Variants in PXDNL observed in about 807,000 individuals in gnomAD.
The protein encoded by PXDNL is peroxidasin like, also known as probable oxidoreductase PXDNL.
A neutral mutation model predicts 150.8 loss-of-function variants in PXDNL; 145 were observed. The observed-to-expected ratio is 0.96, with a 90% CI of 0.84 to 1.10. The LOEUF is 1.10. Among genes scored for constraint, PXDNL ranks in the 50% least tolerant of loss-of-function variants. The pLI is 0.00. For missense variants in PXDNL, 2,087 were observed against 1,873.9 expected, an observed-to-expected ratio of 1.11 and a Z score of -2.10; for synonymous variants, 757 against 725.7, an observed-to-expected ratio of 1.04 and a Z score of -0.69.
At chr8:51,658,374 AAAAAAAAAG>A (rs1815199198) in intron 1 of PXDNL, among the ~76,000 whole-genome samples, 2 of 39,804 alleles carry the variant, frequency 5.0e-5, no homozygotes, top group Admixed American at 2.7e-4. Context: ...AAAGAAAAGG[AAAAAAAAAG>A]AAAAAAAAGT....
rs143729999 is a variant in PXDNL, at chr8:51,360,966, T to C, written c.3901+10907A>G. ...CATTCTTTACTCAGTTAAATTTGCATAAGGTTTTTCTTTTAACAGATGGTG... is the reference window on the plus strand; with the variant it reads ...CATTCTTTACTCAGTTAAATTTGCACAAGGTTTTTCTTTTAACAGATGGTG... On this transcript the variant is annotated intron_variant, in intron 19 of 22. Transcript: ENST00000356297. Among the ~76,000 whole-genome samples the C allele has an allele frequency of 3.9e-5, 6 of 152,324 alleles. No individual in the cohort carries two copies. The East Asian group carries it at 9.7e-4, about 25-fold the overall frequency.
chr8:51,344,532 C>T (rs765180218), intron 20 of PXDNL, among the ~76,000 whole-genome samples: 1 of 152,158 alleles, frequency 6.6e-6, no homozygotes, highest in Non-Finnish European at 1.5e-5. Context: ...CTCTGTCTAC[C>T]CGGTCAAAGG....
intron 2 of PXDNL, among the ~76,000 whole-genome samples, chr8:51,630,354 T>C (rs1814464385): frequency 6.6e-6 from 1 of 152,002 alleles, no homozygotes; most frequent in South Asian, 2.1e-4. Context: ...CTAGAAAATA[T>C]GATTCTGGAC....
intron 19 of PXDNL, among the ~76,000 whole-genome samples, chr8:51,351,469 T>C (rs1412251937): frequency 1.3e-5 from 2 of 151,980 alleles, no homozygotes; most frequent in African/African-American, 4.8e-5. Flanking sequence ...AAAAGTAGGG[T>C]GAGGGGCATA....
chr8:51,699,344 G>A (rs1816204521), intron 1 of PXDNL, among the ~76,000 whole-genome samples: 1 of 152,110 alleles, frequency 6.6e-6, no homozygotes, highest in African/African-American at 2.4e-5. Context: ...TCAACCTCAT[G>A]AACCAATCTC....
At chr8:51,452,935 A>AACACACACACACACACAC (rs146990384) in intron 10 of PXDNL, among the ~76,000 whole-genome samples, 11 of 142,658 alleles carry the variant, frequency 7.7e-5, no homozygotes, top group Non-Finnish European at 1.4e-4. Flanking sequence ...CACACACACA[A>AACACACACACACACACAC]ACACACACAC....
At chr8:51,559,723 A>G (rs867959524) in intron 3 of PXDNL, among the ~76,000 whole-genome samples, 8 of 152,050 alleles carry the variant, frequency 5.3e-5, no homozygotes, top group Middle Eastern at 3.4e-3. Context: ...AGATTGAGGA[A>G]ATTAGAACCC....
rs1377743386 is a variant in PXDNL, at chr8:51,608,086, C to A, written c.237-15388G>T. 5.8e-4 allele frequency among the ~76,000 whole-genome samples: 85 copies of A among 147,084 alleles called. 2 individuals carry two copies. The highest frequency in any genetic ancestry group is 1.2e-3 in the African/African-American group (44 of 38,000). On this transcript the variant is annotated intron_variant, in intron 2 of 22. Transcript: ENST00000356297. The stretch of plus-strand genomic sequence containing the variant: ...GCAAGCAAGCAAGCAAGCAAGCAAG[C>A]AAGCAAGCAAGCAAGCAAGCAAGCC...
intron 4 of PXDNL, among the ~76,000 whole-genome samples, chr8:51,554,108 G>A (rs970429563): frequency 2.0e-5 from 3 of 152,118 alleles, no homozygotes; most frequent in African/African-American, 7.2e-5. Flanking sequence ...AAGACTTATC[G>A]TGTGAGGTTT....
Position 51,560,794 on chromosome 8 carries a change from G to A in PXDNL, c.309-3883C>T, listed in dbSNP as rs548898684. On this transcript the variant is annotated intron_variant, in intron 3 of 22. Transcript: ENST00000356297. The stretch of plus-strand genomic sequence containing the variant: ...AAATAGGTAAACTGGACTACACCAA[G>A]ATTTAAAAGTTTGGTATGTCAAAGA... 2.2e-4 allele frequency among the ~76,000 whole-genome samples: 34 copies of A among 151,966 alleles called. 2 individuals carry two copies. In the South Asian group the frequency reaches 7.0e-3, roughly 31 times the overall value.
chr8:51,561,253 C>T (rs1812713631), intron 3 of PXDNL, among the ~76,000 whole-genome samples: 2 of 151,854 alleles, frequency 1.3e-5, no homozygotes, highest in African/African-American at 4.8e-5. Flanking sequence ...GGCAAATATA[C>T]TTCTGGGCAT....
chr8:51,469,856 T>G (rs1288075920), intron 8 of PXDNL, among the ~76,000 whole-genome samples: 2 of 152,114 alleles, frequency 1.3e-5, no homozygotes, highest in East Asian at 3.8e-4. Flanking sequence ...TAAACTCTTC[T>G]CTTTCATCTT....
At chr8:51,386,282 G>C (rs887343055) in intron 17 of PXDNL, among the ~76,000 whole-genome samples, 1 of 151,920 alleles carries the variant, frequency 6.6e-6, no homozygotes, top group African/African-American at 2.4e-5. Flanking sequence ...TAGTAGAGAT[G>C]GGGTTTCACC....
At chr8:51,594,159 C>A (rs1358299231) in intron 2 of PXDNL, among the ~76,000 whole-genome samples, 3 of 152,118 alleles carry the variant, frequency 2.0e-5, no homozygotes, top group Non-Finnish European at 2.9e-5. Flanking sequence ...TGCACCAATG[C>A]ATGTAGAATA....
intron 1 of PXDNL, among the ~76,000 whole-genome samples, chr8:51,728,966 G>T (rs1471793151): frequency 6.6e-6 from 1 of 152,032 alleles, no homozygotes; most frequent in Non-Finnish European, 1.5e-5. Context: ...ACCAGTTTTT[G>T]CCTTTTATAT....
intron 2 of PXDNL, among the ~76,000 whole-genome samples, chr8:51,640,334 G>A (rs1168705733): frequency 1.3e-5 from 2 of 148,952 alleles, no homozygotes; most frequent in African/African-American, 4.9e-5. Flanking sequence ...ATTCAACATA[G>A]TGTTGGAAGT....
At chr8:51,388,755 T>C (rs1563387278) in intron 17 of PXDNL, among the ~76,000 whole-genome samples, 2 of 152,208 alleles carry the variant, frequency 1.3e-5, no homozygotes, top group East Asian at 1.9e-4. Flanking sequence ...TTATTTATTA[T>C]TCTCATCTGT....
intron 6 of PXDNL, among the ~76,000 whole-genome samples, chr8:51,480,992 G>T (rs1443928140): frequency 6.6e-6 from 1 of 152,126 alleles, no homozygotes; most frequent in Non-Finnish European, 1.5e-5. Context: ...CTGCTGTAAA[G>T]ATACCCAAAA....
chr8:51,354,298 A>G (rs1806439622), intron 19 of PXDNL, among the ~76,000 whole-genome samples: 1 of 152,126 alleles, frequency 6.6e-6, no homozygotes, highest in Non-Finnish European at 1.5e-5. Flanking sequence ...AGTCAATTTT[A>G]TCAGTAGAAT....
Sources: allele counts gnomAD v4.1 joint callset (sites outside exome capture counted in the v4.1 genomes callset), GRCh38; gene constraint gnomAD v4.1.1; transcripts MANE v1.5; gene names NCBI Gene and HGNC (gene_info 2026-07-23, HGNC 2026-07-21).